GPR158: variants seen among roughly 807,000 people sequenced by gnomAD.
GPR158 encodes the protein G protein-coupled receptor 158.
Under a neutral mutation model 78.2 loss-of-function variants are expected in GPR158, and 30 were observed. That is an observed-to-expected ratio of 0.38 (90% CI 0.29 to 0.52). The LOEUF (loss-of-function observed/expected upper bound fraction) is 0.52. GPR158 is among the 20% of genes least tolerant of loss of function. The pLI is 0.83. For synonymous variants in GPR158, 581 were observed against 591.1 expected (o/e 0.98, Z 0.25); for missense variants, 1,463 against 1,523.5 (o/e 0.96, Z 0.66).
At chr10:25,278,755 T>C (rs1029214501) in intron 2 of GPR158, among the ~76,000 whole-genome samples, 2 of 151,404 alleles carry the variant, frequency 1.3e-5, no homozygotes, top group African/African-American at 4.8e-5. Context: ...AATTAAAGTA[T>C]TTAAATAATT....
At chr10:25,302,935 G>T (rs910145870) in intron 2 of GPR158, among the ~76,000 whole-genome samples, 1 of 152,184 alleles carries the variant, frequency 6.6e-6, no homozygotes. Context: ...CAAATCACAT[G>T]ATTTACTGTG....
intron 3 of GPR158, among the ~76,000 whole-genome samples, chr10:25,409,501 A>G (rs1834558202): frequency 6.6e-6 from 1 of 152,242 alleles, no homozygotes; most frequent in African/African-American, 2.4e-5. Flanking sequence ...ATAAGACTAC[A>G]AGATTGGCTG....
At chr10:25,578,026 G>T (rs549093611) in intron 7 of GPR158, among the ~76,000 whole-genome samples, 6 of 152,172 alleles carry the variant, frequency 3.9e-5, no homozygotes, top group African/African-American at 1.4e-4. Context: ...GACATTTTTA[G>T]ATCAGATTAT....
chr10:25,215,867 C>T (rs1853205484), intron 1 of GPR158, among the ~76,000 whole-genome samples: 1 of 152,114 alleles, frequency 6.6e-6, no homozygotes, highest in African/African-American at 2.4e-5. Flanking sequence ...CCAGCTCCTT[C>T]TTTAGTCCAT....
chr10:25,241,284 C>CT (rs1564399576), intron 2 of GPR158, among the ~76,000 whole-genome samples: 2 of 109,006 alleles, frequency 1.8e-5, no homozygotes, highest in East Asian at 2.6e-4. Flanking sequence ...TTCTTTCTTT[C>CT]TTTTCTTTTC....
chr10:25,294,011 C>T (rs546930281), intron 2 of GPR158, among the ~76,000 whole-genome samples: 63 of 152,212 alleles, frequency 4.1e-4, no homozygotes, highest in African/African-American at 1.1e-3. Context: ...TCCCAAAGTG[C>T]GGGATTACAG....
chr10:25,521,225 G>T (rs994660726), intron 5 of GPR158, among the ~76,000 whole-genome samples: 1 of 152,144 alleles, frequency 6.6e-6, no homozygotes. Flanking sequence ...GCTTCGGCTC[G>T]CGCACGGTGC....
intron 1 of GPR158, among the ~76,000 whole-genome samples, chr10:25,203,432 A>C (rs550362212): frequency 2.8e-4 from 42 of 152,216 alleles, no homozygotes; most frequent in Middle Eastern, 6.8e-3. Flanking sequence ...ATTTTTGTAT[A>C]AGGTGTAAGG....
At chr10:25,195,649 AC>A (rs1852833999) in intron 1 of GPR158, among the ~76,000 whole-genome samples, 1 of 152,138 alleles carries the variant, frequency 6.6e-6, no homozygotes, top group Admixed American at 6.6e-5. Flanking sequence ...CAAATTATTG[AC>A]CTTTTGGATT....
At chr10:25,369,308 C>T (rs1564435225) in intron 2 of GPR158, among the ~76,000 whole-genome samples, 1 of 150,312 alleles carries the variant, frequency 6.7e-6, no homozygotes, top group Non-Finnish European at 1.5e-5. Context: ...GTGGGTTTGT[C>T]ATAGATAGCT....
At position 25,370,631 on chromosome 10, in the gene GPR158, A is replaced by T. The variant is rs556225631; in HGVS notation, c.1009-25280A>T. ...AATAGGTGTGGTGTGGTGCTGAAAAAAATGTATATTCTGTTGATTTGGGGT... is the reference window on the plus strand; with the variant it reads ...AATAGGTGTGGTGTGGTGCTGAAAATAATGTATATTCTGTTGATTTGGGGT... On this transcript the variant is annotated intron_variant, in intron 2 of 10. Coordinates refer to ENST00000376351, the MANE Select transcript of GPR158 (RefSeq NM_020752.3). Among the ~76,000 whole-genome samples, 163 of 147,704 alleles carry T rather than the reference A, an allele frequency of 1.1e-3. 3 individuals carry two copies. The South Asian group carries it at 0.033, about 30-fold the overall frequency.
intron 5 of GPR158, among the ~76,000 whole-genome samples, chr10:25,511,333 T>C (rs758357138): frequency 1.3e-5 from 2 of 152,244 alleles, no homozygotes; most frequent in Admixed American, 6.5e-5. Context: ...GTTGGCCATT[T>C]GTATATCTTC....
At chr10:25,481,784 TGTTA>T (rs1835666689) in intron 5 of GPR158, among the ~76,000 whole-genome samples, 1 of 152,176 alleles carries the variant, frequency 6.6e-6, no homozygotes. Flanking sequence ...CACCAAGACT[TGTTA>T]TTTTCCATTT....
At chr10:25,419,897 T>C (rs1834723504) in intron 4 of GPR158, among the ~76,000 whole-genome samples, 2 of 152,190 alleles carry the variant, frequency 1.3e-5, no homozygotes, top group Non-Finnish European at 2.9e-5. Context: ...TTCTGTGACT[T>C]TGGACAAATG....
intron 4 of GPR158, among the ~76,000 whole-genome samples, chr10:25,441,257 C>T (rs1835063191): frequency 6.6e-6 from 1 of 152,290 alleles, no homozygotes; most frequent in South Asian, 2.1e-4. Flanking sequence ...TGTCTGGCTA[C>T]CTGCTTCTAT....
chr10:25,296,047 A>G (rs570382633), intron 2 of GPR158, among the ~76,000 whole-genome samples: 238 of 86,410 alleles, frequency 2.8e-3, no homozygotes, highest in African/African-American at 8.4e-3. Flanking sequence ...TAGCAGGGGC[A>G]GGGAGGAAAA....
chr10:25,359,041 C>T (rs1855591900), intron 2 of GPR158, among the ~76,000 whole-genome samples: 1 of 151,820 alleles, frequency 6.6e-6, no homozygotes, highest in African/African-American at 2.4e-5. Flanking sequence ...TTATTCTATC[C>T]ATTATTGAGA....
At chr10:25,346,120 C>G (rs1264763994) in intron 2 of GPR158, among the ~76,000 whole-genome samples, 1 of 151,836 alleles carries the variant, frequency 6.6e-6, no homozygotes, top group Admixed American at 6.6e-5. Flanking sequence ...TTATATATCT[C>G]ATATATAATG....
intron 1 of GPR158, among the ~76,000 whole-genome samples, chr10:25,188,920 C>T (rs1262988558): frequency 6.6e-6 from 1 of 152,110 alleles, no homozygotes; most frequent in African/African-American, 2.4e-5. Flanking sequence ...CTACAAAGAA[C>T]TCAAACAAAT....
Sources: gnomAD v4.1 joint callset for allele counts (sites outside exome capture counted in the v4.1 genomes callset) on GRCh38, gnomAD v4.1.1 for gene constraint, MANE v1.5 for transcripts, NCBI Gene and HGNC (gene_info 2026-07-23, HGNC 2026-07-21) for gene names.